The following COL4A2 variants were observed in gnomAD, a reference collection of about 807,000 sequenced individuals.
COL4A2 encodes the protein collagen alpha-2(IV) chain.
COL4A2 carries 99 observed loss-of-function variants against 200.2 expected under a neutral mutation model. That is an observed-to-expected ratio of 0.49 (90% confidence interval 0.42 to 0.58). COL4A2 has a LOEUF of 0.58. COL4A2 is among the 20% of genes least tolerant of loss of function. The probability of loss-of-function intolerance (pLI) is 0.00; values close to 1 mark genes in which losing one functional copy is unlikely to be tolerated. For missense variants in COL4A2, 1,950 were observed against 2,314.1 expected (o/e 0.84, Z 3.23); for synonymous variants, 897 against 900.6 (o/e 1.00, Z 0.07).
chr13:110,350,140 G>C (rs1876890356), intron 3 of COL4A2, among the ~76,000 whole-genome samples: 1 of 152,186 alleles, frequency 6.6e-6, no homozygotes. Flanking sequence ...CATATATGAA[G>C]TCAACCAAGA....
intron 13 of COL4A2, among the ~76,000 whole-genome samples, chr13:110,437,184 C>T (rs539370147): frequency 1.2e-4 from 18 of 152,310 alleles, no homozygotes; most frequent in African/African-American, 4.3e-4. Flanking sequence ...GCAGGCAGGA[C>T]CACTGCCTTG....
At chr13:110,487,748 T>C (rs1883159787) in intron 34 of COL4A2, among the ~76,000 whole-genome samples, 1 of 152,176 alleles carries the variant, frequency 6.6e-6, no homozygotes, top group Non-Finnish European at 1.5e-5. Flanking sequence ...TTCAGTTTCA[T>C]CGATGTGAAG....
intron 4 of COL4A2, among the ~76,000 whole-genome samples, chr13:110,410,249 G>A (rs374530883): frequency 2.6e-5 from 4 of 152,196 alleles, no homozygotes; most frequent in African/African-American, 9.6e-5. Flanking sequence ...CTGTCCCCTC[G>A]CAGGGCTTGC....
At chr13:110,424,594 G>A (rs955569549) in intron 4 of COL4A2, 140 bp from the exon 5 acceptor site, 3 of 515,936 alleles carry the variant, frequency 5.8e-6, no homozygotes, top group Non-Finnish European at 1.0e-5. Flanking sequence ...GGCAGTAGAT[G>A]ATAGTTTACA....
intron 4 of COL4A2, among the ~76,000 whole-genome samples, chr13:110,398,789 C>A (rs1056726552): frequency 3.3e-5 from 5 of 152,050 alleles, no homozygotes; most frequent in African/African-American, 1.2e-4. Flanking sequence ...ATCAGACATA[C>A]CCAGCCCAGA....
chr13:110,461,966 C>T, intron 22 of COL4A2, 148 bp from the exon 23 acceptor site: 2 of 1,155,470 alleles, frequency 1.7e-6, no homozygotes, highest in Non-Finnish European at 1.2e-6. Flanking sequence ...GCGTATCCAG[C>T]ATCGCAGAAA....
chr13:110,439,957 T>C, intron 16 of COL4A2, 124 bp downstream of exon 16: 1 of 1,403,340 alleles, frequency 7.1e-7, no homozygotes, highest in South Asian at 1.4e-5. Flanking sequence ...AAAATGGTTC[T>C]TGTATTTGCA....
chr13:110,383,178 C>T (rs562522368), intron 4 of COL4A2, among the ~76,000 whole-genome samples: 32 of 152,256 alleles, frequency 2.1e-4, no homozygotes, highest in Admixed American at 2.1e-3. Flanking sequence ...CGTATCCACG[C>T]TAGGATGTGG....
At chr13:110,446,228 G>A (rs1469050309) in intron 17 of COL4A2, among the ~76,000 whole-genome samples, 1 of 152,144 alleles carries the variant, frequency 6.6e-6, no homozygotes, top group African/African-American at 2.4e-5. Flanking sequence ...TAATTCCTGG[G>A]CTTGCAGGGA....
intron 39 of COL4A2, 26 bp from the exon 40 acceptor site, chr13:110,495,316 C>A: frequency 6.2e-7 from 1 of 1,613,902 alleles, no homozygotes; most frequent in Non-Finnish European, 8.5e-7. Context: ...ACACCGACAT[C>A]AGCTGCTGTT....
chr13:110,475,244 T>C (rs1222080335), intron 29 of COL4A2, among the ~76,000 whole-genome samples: 2 of 152,214 alleles, frequency 1.3e-5, no homozygotes, highest in African/African-American at 4.8e-5. Flanking sequence ...GAAGATAAGA[T>C]GCAAATCAGC....
chr13:110,417,111 G>C (rs1880072958), intron 4 of COL4A2, among the ~76,000 whole-genome samples: 1 of 152,010 alleles, frequency 6.6e-6, no homozygotes, highest in African/African-American at 2.4e-5. Context: ...CTCCCGAGTA[G>C]CTGGGGCTAC....
intron 4 of COL4A2, among the ~76,000 whole-genome samples, chr13:110,413,229 G>C (rs1879914121): frequency 6.6e-6 from 1 of 152,204 alleles, no homozygotes; most frequent in Admixed American, 6.5e-5. Context: ...CCAGGCAGAG[G>C]GGGTAAATAG....
chr13:110,390,050 TG>T (rs1453254077), intron 4 of COL4A2, among the ~76,000 whole-genome samples: 2 of 152,208 alleles, frequency 1.3e-5, no homozygotes, highest in Non-Finnish European at 2.9e-5. Context: ...TGATTTAAGA[TG>T]AAGACTCTCA....
rs139042343 is a variant in COL4A2 at position 110,376,115 on chromosome 13, A to G, written c.180+18563A>G. Among the ~76,000 whole-genome samples the G allele has an allele frequency of 3.3e-5, 5 of 152,272 alleles. No individual in the cohort carries two copies. In the East Asian group the frequency reaches 7.7e-4, roughly 23 times the overall value. ...CTATCTGACATTCACTGGCTTAGGG[A>G]TATTTGGGGAGACACGATAGCTTGC... On this transcript the variant is annotated intron_variant, in intron 4 of 47. Transcript: ENST00000360467.
At chr13:110,412,154 A>G (rs747311303) in intron 4 of COL4A2, among the ~76,000 whole-genome samples, 5 of 152,352 alleles carry the variant, frequency 3.3e-5, no homozygotes, top group Admixed American at 6.5e-5. Context: ...GTCAAAGGGA[A>G]GGGAATTGTC....
At chr13:110,425,931 G>A (rs768579179) in intron 6 of COL4A2, among the ~76,000 whole-genome samples, 2 of 152,102 alleles carry the variant, frequency 1.3e-5, no homozygotes, top group Non-Finnish European at 2.9e-5. Flanking sequence ...AGACAGTCAG[G>A]GCAAAATAAA....
intron 22 of COL4A2, among the ~76,000 whole-genome samples, chr13:110,460,260 C>T (rs1267137506): frequency 6.6e-6 from 1 of 152,150 alleles, no homozygotes; most frequent in Non-Finnish European, 1.5e-5. Context: ...CTTCATGGCA[C>T]GGAGCTGTGC....
chr13:110,325,944 G>A (rs760121758), intron 3 of COL4A2, among the ~76,000 whole-genome samples: 5 of 151,980 alleles, frequency 3.3e-5, no homozygotes, highest in South Asian at 2.1e-4. Flanking sequence ...TCACCAGGCC[G>A]GGCTAATTTT....
Sources: gnomAD v4.1 joint callset for allele counts (sites outside exome capture counted in the v4.1 genomes callset) on GRCh38, gnomAD v4.1.1 for gene constraint, MANE v1.5 for transcripts, NCBI Gene and HGNC (gene_info 2026-07-23, HGNC 2026-07-21) for gene names.